The following COBL variants were observed in gnomAD, a reference collection of about 807,000 sequenced individuals.
The protein encoded by COBL is cordon-bleu WH2 repeat protein.
A neutral mutation model predicts 98.8 loss-of-function variants in COBL; 51 were observed. That is an observed-to-expected ratio of 0.52 (90% CI 0.41 to 0.65). COBL has a LOEUF of 0.65. COBL is among the 30% of genes least tolerant of loss of function. The pLI is 0.00. For synonymous variants in COBL, 634 were observed against 651.7 expected, an observed-to-expected ratio of 0.97 and a Z score of 0.41; for missense variants, 1,617 against 1,617.5, an observed-to-expected ratio of 1.00 and a Z score of 0.01.
chr7:51,302,473 C>G lies in COBL; in HGVS notation c.41+14120G>C, dbSNP rs1249470776. ...GTGCATGCCTGTAATCCCAGCTACTCAGGAGGCTGAGGCAGGAGAATCGCT... is the reference window on the plus strand; with the variant it reads ...GTGCATGCCTGTAATCCCAGCTACTGAGGAGGCTGAGGCAGGAGAATCGCT... On this transcript the variant is annotated intron_variant, in intron 1 of 12. Transcript: ENST00000265136. 4.0e-5 allele frequency among the ~76,000 whole-genome samples: 6 copies of G among 150,686 alleles called. No homozygotes were observed. The Admixed American group carries it at 4.0e-4, about 10-fold the overall frequency.
intron 5 of COBL, among the ~76,000 whole-genome samples, chr7:51,148,084 A>G (rs191607053): frequency 0.01 from 1,539 of 152,296 alleles, 15 homozygotes; most frequent in Non-Finnish European, 0.018. Flanking sequence ...TACGGCTAGC[A>G]GATATTTAAG....
At chr7:51,284,284 G>C (rs1800101264) in intron 1 of COBL, among the ~76,000 whole-genome samples, 1 of 150,342 alleles carries the variant, frequency 6.7e-6, no homozygotes, top group Non-Finnish European at 1.5e-5. Flanking sequence ...CTGGGCAACA[G>C]AGCAAGACTC....
chr7:51,153,909 A>G (rs1387530695), intron 5 of COBL, among the ~76,000 whole-genome samples: 1 of 152,200 alleles, frequency 6.6e-6, no homozygotes. Flanking sequence ...CAATAAAATG[A>G]GACTGGATGG....
intron 1 of COBL, among the ~76,000 whole-genome samples, chr7:51,261,239 G>A (rs761736938): frequency 3.8e-4 from 58 of 152,336 alleles, no homozygotes; most frequent in Middle Eastern, 3.4e-3. Flanking sequence ...TTGGCTGGGC[G>A]TGGTGGCACA....
At chr7:51,197,513 C>A (rs1790708683) in intron 2 of COBL, among the ~76,000 whole-genome samples, 2 of 152,156 alleles carry the variant, frequency 1.3e-5, no homozygotes, top group South Asian at 2.1e-4. Flanking sequence ...ATGAAAAGTT[C>A]TGTAGCTGTC....
chr7:51,223,784 T>C (rs1411466323), intron 1 of COBL, among the ~76,000 whole-genome samples: 2 of 152,234 alleles, frequency 1.3e-5, no homozygotes, highest in Non-Finnish European at 2.9e-5. Flanking sequence ...CTGGAAGCAC[T>C]TGGGGAGCTT....
intron 2 of COBL, among the ~76,000 whole-genome samples, chr7:51,206,136 T>C (rs1484859126): frequency 1.3e-5 from 2 of 152,130 alleles, no homozygotes; most frequent in African/African-American, 4.8e-5. Flanking sequence ...CTGGTGGTTC[T>C]TCAAAAAATT....
intron 5 of COBL, among the ~76,000 whole-genome samples, chr7:51,155,532 G>C (rs1037593510): frequency 7.5e-6 from 1 of 133,406 alleles, no homozygotes; most frequent in African/African-American, 2.8e-5. Flanking sequence ...GGAGGTTGCA[G>C]TGAGCTGAGA....
At chr7:51,158,652 G>A (rs1786450706) in intron 5 of COBL, among the ~76,000 whole-genome samples, 1 of 152,062 alleles carries the variant, frequency 6.6e-6, no homozygotes. Flanking sequence ...AGAGCACGGT[G>A]GGAGGCTGGG....
At chr7:51,299,013 C>T (rs1405841691) in intron 1 of COBL, among the ~76,000 whole-genome samples, 3 of 152,228 alleles carry the variant, frequency 2.0e-5, no homozygotes, top group Non-Finnish European at 2.9e-5. Flanking sequence ...AACATCTGAA[C>T]AGCTTTCCTC....
intron 2 of COBL, among the ~76,000 whole-genome samples, chr7:51,197,098 C>T (rs1005972606): frequency 6.6e-6 from 1 of 152,008 alleles, no homozygotes; most frequent in Non-Finnish European, 1.5e-5. Flanking sequence ...AGTTATCTAG[C>T]TCTTTCAATT....
intron 4 of COBL, among the ~76,000 whole-genome samples, chr7:51,187,559 C>G (rs1252126539): frequency 6.6e-6 from 1 of 152,098 alleles, no homozygotes; most frequent in Non-Finnish European, 1.5e-5. Context: ...GGCAGGTAAG[C>G]ATGGGCAGGC....
At chr7:51,216,576 A>G (rs184940637) in intron 2 of COBL, among the ~76,000 whole-genome samples, 1 of 152,246 alleles carries the variant, frequency 6.6e-6, no homozygotes, top group African/African-American at 2.4e-5. Flanking sequence ...AGGCCAGAAC[A>G]TTTCCCCTAT....
At chr7:51,266,850 G>A (rs551649404) in intron 1 of COBL, among the ~76,000 whole-genome samples, 1 of 152,292 alleles carries the variant, frequency 6.6e-6, no homozygotes, top group Admixed American at 6.5e-5. Flanking sequence ...GTTGGGAGGA[G>A]TTGCCCTTGG....
chr7:51,055,116 C>T (rs1423226983), intron 7 of COBL, among the ~76,000 whole-genome samples: 1 of 152,194 alleles, frequency 6.6e-6, no homozygotes. Flanking sequence ...AGCCGGAGTT[C>T]TCAGAACAAG....
rs547334366 is a variant in COBL at position 51,176,526 on chromosome 7, T to C, written c.783+7576A>G. Among the ~76,000 whole-genome samples, 157 of 152,308 alleles carry C rather than the reference T, an allele frequency of 1.0e-3. 1 individual carries two copies. The highest frequency in any genetic ancestry group is 7.8e-4 in the Non-Finnish European group (53 of 68,012). ...TTCTTAAACCCCTGCTAACCAAATA[T>C]ACTCCCTTGGTCTGCTTCCCTTTTG... On this transcript the variant is annotated intron_variant, in intron 5 of 12. Transcript: ENST00000265136.
chr7:51,066,914 C>A (rs932989424), intron 7 of COBL, among the ~76,000 whole-genome samples: 2 of 152,216 alleles, frequency 1.3e-5, no homozygotes, highest in African/African-American at 4.8e-5. Flanking sequence ...GGATTTCTGC[C>A]CTATCTAACT....
intron 1 of COBL, among the ~76,000 whole-genome samples, chr7:51,222,362 C>T (rs1219728300): frequency 1.3e-5 from 2 of 151,990 alleles, no homozygotes; most frequent in African/African-American, 4.8e-5. Context: ...ATAAAATAGT[C>T]AACATATATG....
At chr7:51,226,411 C>T (rs1248835195) in intron 1 of COBL, among the ~76,000 whole-genome samples, 1 of 152,154 alleles carries the variant, frequency 6.6e-6, no homozygotes, top group Non-Finnish European at 1.5e-5. Context: ...TATTTATTTG[C>T]AGCCACAGTT....
Sources: gnomAD v4.1 joint callset for allele counts (sites outside exome capture counted in the v4.1 genomes callset) on GRCh38, gnomAD v4.1.1 for gene constraint, MANE v1.5 for transcripts, NCBI Gene and HGNC (gene_info 2026-07-23, HGNC 2026-07-21) for gene names.